The following LIPK variants were observed in gnomAD, a reference collection of about 807,000 sequenced individuals.
LIPK encodes lipase family member K.
Under a neutral mutation model 48.6 loss-of-function variants are expected in LIPK, and 32 were observed. The ratio of observed to expected loss-of-function variants is 0.66; its 90% CI spans 0.50 to 0.88. LIPK has a LOEUF of 0.88. Among genes scored for constraint, LIPK ranks in the 40% least tolerant of loss-of-function variants. LIPK has a pLI of 0.00. For synonymous variants in LIPK, 164 were observed against 157.4 expected (o/e 1.04, Z -0.32); for missense variants, 507 against 478.5 (o/e 1.06, Z -0.56).
At chr10:88,712,400 A>G (rs2134683413) in intron 1 of LIPK, among the ~76,000 whole-genome samples, 1 of 152,342 alleles carries the variant, frequency 6.6e-6, no homozygotes. Context: ...AGTAAGCTTC[A>G]TTTACCTACT....
At chr10:88,729,689 TG>T (rs1356969347) in intron 3 of LIPK, among the ~76,000 whole-genome samples, 1 of 152,236 alleles carries the variant, frequency 6.6e-6, no homozygotes, top group East Asian at 1.9e-4. Flanking sequence ...TACTTAACTT[TG>T]GCAGAGTTAG....
At chr10:88,725,180 C>A (rs1395055941) in intron 2 of LIPK, among the ~76,000 whole-genome samples, 2 of 152,182 alleles carry the variant, frequency 1.3e-5, no homozygotes, top group African/African-American at 4.8e-5. Flanking sequence ...AAACGGCGCA[C>A]AATTGCTGTC....
chr10:88,708,316 T>C (rs1841971371), intron 1 of LIPK, among the ~76,000 whole-genome samples: 1 of 152,096 alleles, frequency 6.6e-6, no homozygotes. Flanking sequence ...GAAAAATATA[T>C]AACCAATAAG....
intron 8 of LIPK, 23 bp from the exon 9 acceptor site, chr10:88,743,227 T>C: frequency 6.6e-7 from 1 of 1,522,740 alleles, no homozygotes; most frequent in Non-Finnish European, 9.0e-7. Context: ...TTATATTATT[T>C]TAACGTGCTT....
intron 1 of LIPK, among the ~76,000 whole-genome samples, chr10:88,709,529 T>C: frequency 6.6e-6 from 1 of 152,176 alleles, no homozygotes; most frequent in East Asian, 1.9e-4. Context: ...ATGCGGTGTT[T>C]GGATTTTTGT....
chr10:88,713,513 C>CATAGAAAAAACAT (rs1465612255), intron 1 of LIPK, among the ~76,000 whole-genome samples: 1 of 152,158 alleles, frequency 6.6e-6, no homozygotes, highest in African/African-American at 2.4e-5. Context: ...TCTACTTTAT[C>CATAGAAAAAACAT]AGCATAAGAA....
intron 6 of LIPK, among the ~76,000 whole-genome samples, chr10:88,734,495 T>C (rs899033847): frequency 2.6e-5 from 4 of 152,114 alleles, no homozygotes; most frequent in African/African-American, 9.7e-5. Flanking sequence ...ATTAATGAAT[T>C]TGGAATGTAT....
chr10:88,739,062 A>G (rs1842629435), intron 7 of LIPK, among the ~76,000 whole-genome samples: 1 of 152,232 alleles, frequency 6.6e-6, no homozygotes, highest in Admixed American at 6.5e-5. Flanking sequence ...TTTAAAAAAT[A>G]GTGCAATTGA....
chr10:88,732,766 T>A (rs1842494476), intron 6 of LIPK, among the ~76,000 whole-genome samples: 1 of 152,252 alleles, frequency 6.6e-6, no homozygotes, highest in African/African-American at 2.4e-5. Flanking sequence ...CATCTATGTC[T>A]AGAAACGTGT....
intron 8 of LIPK, among the ~76,000 whole-genome samples, chr10:88,741,022 C>G (rs1842671216): frequency 6.6e-6 from 1 of 152,096 alleles, no homozygotes; most frequent in African/African-American, 2.4e-5. Context: ...ACAGATAGGT[C>G]CTCTTATGAG....
At position 88,739,720 on chromosome 10, in the gene LIPK, G is replaced by A. The variant is rs182388185; in HGVS notation, c.817-276G>A. On this transcript the variant is annotated intron_variant, in intron 7 of 9. Transcript: ENST00000404190. ...AGTACAAACACAAAATTAGCCAGGC[G>A]TGGTGGTGCGCACCTGTAGTCCTAG... Among the ~76,000 whole-genome samples, 118 of 152,074 alleles carry A rather than the reference G, an allele frequency of 7.8e-4. 1 individual carries two copies. In the South Asian group the frequency reaches 0.012, roughly 15 times the overall value.
intron 9 of LIPK, among the ~76,000 whole-genome samples, chr10:88,746,253 A>T (rs1842764019): frequency 6.6e-6 from 1 of 152,172 alleles, no homozygotes; most frequent in South Asian, 2.1e-4. Flanking sequence ...TTTGGGACCT[A>T]AACTTGACAC....
At chr10:88,750,776 C>T (rs558060614) in intron 9 of LIPK, among the ~76,000 whole-genome samples, 1 of 152,150 alleles carries the variant, frequency 6.6e-6, no homozygotes, top group East Asian at 1.9e-4. Flanking sequence ...TGTGGCAAGC[C>T]TGCACATGTA....
chr10:88,731,602 C>G (rs1325484576), intron 4 of LIPK, among the ~76,000 whole-genome samples: 1 of 152,242 alleles, frequency 6.6e-6, no homozygotes, highest in African/African-American at 2.4e-5. Flanking sequence ...CATGAAAATC[C>G]TGTGTTCCTT....
chr10:88,726,873 T>C lies in LIPK; in HGVS notation c.184T>C (p.Tyr62His), dbSNP rs1430884779. The C allele has an allele frequency of 2.5e-6, 4 of 1,604,948 alleles. No homozygotes were observed. The South Asian group carries it at 4.5e-5, about 18-fold the overall frequency. The change falls in exon 3 of 10, where the codon TAT (tyrosine) becomes CAT (histidine). Residue 62 changes from tyrosine (Y) to histidine (H), a missense_variant. Tyr to His is a moderately conservative substitution (Grantham distance 83, BLOSUM62 2). Transcript: ENST00000404190. ...TTKDGYILGI[Y>H]RIPHGRGCPG... ...AAAAGATGGTTATATCCTTGGAATTTATAGGATTCCACATGGAAGAGGATG... is the reference window on the plus strand; with the variant it reads ...AAAAGATGGTTATATCCTTGGAATTCATAGGATTCCACATGGAAGAGGATG...
intron 3 of LIPK, among the ~76,000 whole-genome samples, 184 bp downstream of exon 3, chr10:88,727,096 T>C (rs1365520798): frequency 6.6e-6 from 1 of 152,222 alleles, no homozygotes; most frequent in East Asian, 1.9e-4. Flanking sequence ...CACTTTTACA[T>C]ACACTGTTTA....
intron 1 of LIPK, among the ~76,000 whole-genome samples, chr10:88,717,177 C>T (rs1002531438): frequency 6.6e-6 from 1 of 152,124 alleles, no homozygotes; most frequent in Admixed American, 6.5e-5. Flanking sequence ...GATGAGCTCT[C>T]AAACCATCTG....
At chr10:88,711,062 C>T (rs973120294) in intron 1 of LIPK, among the ~76,000 whole-genome samples, 2 of 152,124 alleles carry the variant, frequency 1.3e-5, no homozygotes, top group Admixed American at 6.6e-5. Context: ...CAATGTTGAA[C>T]ATCTTTTCTT....
At chr10:88,708,940 T>C (rs1002372191) in intron 1 of LIPK, among the ~76,000 whole-genome samples, 5 of 152,182 alleles carry the variant, frequency 3.3e-5, no homozygotes, top group African/African-American at 4.8e-5. Context: ...GGTTGCATTT[T>C]GTAAAAAGTT....
Sources: gnomAD v4.1 joint callset for allele counts (sites outside exome capture counted in the v4.1 genomes callset) on GRCh38, gnomAD v4.1.1 for gene constraint, MANE v1.5 for transcripts, NCBI Gene and HGNC (gene_info 2026-07-23, HGNC 2026-07-21) for gene names.